The following ADRA1A variants were observed in gnomAD, a reference collection of about 807,000 sequenced individuals.
ADRA1A encodes the protein alpha-1A adrenergic receptor.
Under a neutral mutation model 29.6 loss-of-function variants are expected in ADRA1A, and 31 were observed. The observed-to-expected ratio is 1.05, with a 90% CI of 0.79 to 1.41. ADRA1A has a LOEUF of 1.41. ADRA1A is among the 40% of genes most tolerant of loss of function. ADRA1A has a pLI of 0.00. For missense variants in ADRA1A, 619 were observed against 601.1 expected (o/e 1.03, Z -0.31); for synonymous variants, 311 against 254.3 (o/e 1.22, Z -2.12).
chr8:26,753,165 A>G (rs1160684932), downstream of ADRA1A, among the ~76,000 whole-genome samples: 1 of 152,210 alleles, frequency 6.6e-6, no homozygotes, highest in Non-Finnish European at 1.5e-5. Flanking sequence ...AAGAACCTCC[A>G]TCAAAGAACT....
chr8:26,858,900 G>T, intron 2 of ADRA1A: 1 of 368,838 alleles, frequency 2.7e-6, no homozygotes, highest in Non-Finnish European at 4.2e-6. Flanking sequence ...AGGCAAGTCA[G>T]ATTCCTCCCA....
rs1334093694 is a variant in ADRA1A, at chr8:26,860,911, C to T, written c.883+3176G>A. On this transcript the variant is annotated intron_variant, in intron 2 of 2. Coordinates refer to ENST00000380573, the MANE Select transcript of ADRA1A (RefSeq NM_000680.4). This position sits in a 1 kb window ranked among gnomAD's most constrained non-coding sequence, Gnocchi z 4.7. The stretch of plus-strand genomic sequence containing the variant: ...AGCTCTCTCTATACCCCTCCAGCTA[C>T]ACCGCATCTCCTAGCTCCAGTGTAT... 1.3e-5 allele frequency among the ~76,000 whole-genome samples: 2 copies of T among 152,218 alleles called. No individual in the cohort carries two copies. Among genetic ancestry groups the T allele is most frequent in the Admixed American group, 6.5e-5 (1 of 15,278 alleles).
chr8:26,824,279 AC>A (rs1321715005), intron 2 of ADRA1A, among the ~76,000 whole-genome samples: 4 of 152,070 alleles, frequency 2.6e-5, no homozygotes, highest in African/African-American at 9.7e-5. Context: ...ATCCTGGGTA[AC>A]AGGGGTCTAT....
chr8:26,787,072 G>A lies in ADRA1A; in HGVS notation c.884-16406C>T, dbSNP rs1807447711. Among the ~76,000 whole-genome samples the A allele has an allele frequency of 6.6e-6, 1 of 152,176 alleles. No individual in the cohort carries two copies. Among genetic ancestry groups the A allele is most frequent in the South Asian group, 2.1e-4 (1 of 4,830 alleles). ...AGATGAGGAAACTGAGGCTTAAGGAGTTTAATTTGCAACTAAGGAAAATAG... is the reference window on the plus strand; with the variant it reads ...AGATGAGGAAACTGAGGCTTAAGGAATTTAATTTGCAACTAAGGAAAATAG... On this transcript the variant is annotated intron_variant, in intron 2 of 2. Coordinates refer to ENST00000380573, the MANE Select transcript of ADRA1A (RefSeq NM_000680.4). This position sits in a 1 kb window ranked among gnomAD's most constrained non-coding sequence, Gnocchi z 4.2.
At chr8:26,748,573 TA>T (rs1320270822) in exon 3 of ADRA1A, 2 of 407,700 alleles carry the variant, frequency 4.9e-6, no homozygotes, top group Non-Finnish European at 9.7e-6. Context: ...ACCCCGTCTC[TA>T]CTAAAAATAC....
rs761437609 is a variant in ADRA1A, at chr8:26,864,684, T to G, written c.286A>C (p.Arg96=). 28 of 1,613,974 alleles carry G rather than the reference T, an allele frequency of 1.7e-5. No homozygotes were observed. The highest frequency in any genetic ancestry group is 2.4e-5 in the Non-Finnish European group (28 of 1,180,030). Residue 96 remains arginine, a synonymous_variant, in exon 2 of 3, where the codon AGG becomes CGG. Transcript: ENST00000380573. This position sits in a 1 kb window ranked among gnomAD's most constrained non-coding sequence, Gnocchi z 8.1. The stretch of plus-strand genomic sequence containing the variant: ...GCCGCCCAGATGTTGCAGAAGACCC[T>G]GCCGAAGGCCCAGTAGCCTAGGACC... ...FEVLGYWAFG[R]VFCNIWAAVD... is the part of the protein sequence containing the mutation.
chr8:26,855,217 A>ATGTG lies in ADRA1A; in HGVS notation c.883+8866_883+8869dup, dbSNP rs56268237. Among the ~76,000 whole-genome samples, 102 of 133,288 alleles carry ATGTG rather than the reference A, an allele frequency of 7.7e-4. 2 individuals are homozygous for ATGTG. The highest frequency in any genetic ancestry group is 3.8e-3 in the Middle Eastern group (1 of 266). The allele number at this position is 133,288 out of a possible 152,430, so 87.4% of individuals were successfully genotyped here. A position where few individuals can be genotyped will look rare whatever the true frequency, so the allele number is the denominator to read the frequency against. ...TTTAACTAAAAGTGTGTGTGCATGC[A>ATGTG]TGTGTGTGTGTGTGTGCATGTGAGT... On this transcript the variant is annotated intron_variant, in intron 2 of 2. Coordinates refer to ENST00000380573, the MANE Select transcript of ADRA1A (RefSeq NM_000680.4).
intron 2 of ADRA1A, among the ~76,000 whole-genome samples, chr8:26,829,805 T>A (rs966972391): frequency 6.6e-6 from 1 of 152,098 alleles, no homozygotes; most frequent in Non-Finnish European, 1.5e-5. Flanking sequence ...AGCAATTCCA[T>A]AACACATCAC....
In ADRA1A at chr8:26,806,795, G is replaced by C. The variant is rs1200705262; in HGVS notation, c.884-36129C>G. Reference sequence around the variant, plus strand: ...TGGCTGCTGCTAGAAGTGGCCTCATGGAACATCCTAGAAAAGGAGAACCAG... The same window carrying C: ...TGGCTGCTGCTAGAAGTGGCCTCATCGAACATCCTAGAAAAGGAGAACCAG... On this transcript the variant is annotated intron_variant, in intron 2 of 2. Coordinates refer to ENST00000380573, the MANE Select transcript of ADRA1A (RefSeq NM_000680.4). The surrounding 1 kb of genome is among the most constrained non-coding windows in gnomAD (Gnocchi z 4.6). Among the ~76,000 whole-genome samples, 1 of 152,126 alleles carries C rather than the reference G, an allele frequency of 6.6e-6. No individual in the cohort carries two copies. Among genetic ancestry groups the C allele is most frequent in the Non-Finnish European group, 1.5e-5 (1 of 68,012 alleles).
At chr8:26,801,689 C>G (rs949453624) in intron 2 of ADRA1A, among the ~76,000 whole-genome samples, 1 of 151,806 alleles carries the variant, frequency 6.6e-6, no homozygotes, top group African/African-American at 2.4e-5. Context: ...TTCATAAACA[C>G]AAAGCAATCT....
chr8:26,785,406 T>C (rs1423984851), intron 2 of ADRA1A, among the ~76,000 whole-genome samples: 4 of 152,212 alleles, frequency 2.6e-5, no homozygotes, highest in Non-Finnish European at 4.4e-5. Context: ...ACGTCTGGAC[T>C]ACAAATACGC....
intron 2 of ADRA1A, among the ~76,000 whole-genome samples, chr8:26,829,962 G>A (rs943555597): frequency 4.0e-5 from 6 of 151,808 alleles, no homozygotes; most frequent in African/African-American, 1.5e-4. Flanking sequence ...TGTGTCTGGG[G>A]GGTGGGGGTG....
chr8:26,836,543 C>T (rs540151765), intron 2 of ADRA1A, among the ~76,000 whole-genome samples: 16 of 152,284 alleles, frequency 1.1e-4, no homozygotes, highest in African/African-American at 3.4e-4. Context: ...TAATCCATCA[C>T]CTAGTGTGAA....
intron 2 of ADRA1A, among the ~76,000 whole-genome samples, chr8:26,814,841 A>G (rs902142221): frequency 4.6e-5 from 7 of 152,174 alleles, no homozygotes; most frequent in Non-Finnish European, 8.8e-5. Flanking sequence ...TTTCATTTTT[A>G]TATAACATTA....
At chr8:26,766,515 G>A (rs1310049970), downstream of ADRA1A, among the ~76,000 whole-genome samples, 2 of 152,156 alleles carry the variant, frequency 1.3e-5, no homozygotes, top group Non-Finnish European at 2.9e-5. Flanking sequence ...GGTTTGACTG[G>A]GCTGGAGATT....
In ADRA1A at chr8:26,865,669, A is replaced by G; in HGVS notation, c.-686-14T>C. On this transcript the variant is annotated splice_polypyrimidine_tract_variant and intron_variant, in intron 1 of 2. Coordinates refer to ENST00000380573, the MANE Select transcript of ADRA1A (RefSeq NM_000680.4). This position sits in a 1 kb window ranked among gnomAD's most constrained non-coding sequence, Gnocchi z 7.6. ...GACCGCGTCCACCTGAAAGAGCGCA[A>G]AGAGAAAGGCGGCTTTGAGCTAGGC... The G allele has an allele frequency of 1.0e-6, 1 of 986,074 alleles. No homozygotes were observed. The highest frequency in any genetic ancestry group is 1.2e-6 in the Non-Finnish European group (1 of 830,538). The allele number at this position is 986,074 out of a possible 1,614,324, so 61.1% of individuals were successfully genotyped here.
chr8:26,794,188 A>G (rs145219081), intron 2 of ADRA1A, among the ~76,000 whole-genome samples: 1 of 152,224 alleles, frequency 6.6e-6, no homozygotes, highest in African/African-American at 2.4e-5. Flanking sequence ...GGAAGGGAAC[A>G]CTTTCATTTC....
At chr8:26,784,321 G>A (rs905100753) in intron 2 of ADRA1A, among the ~76,000 whole-genome samples, 4 of 152,256 alleles carry the variant, frequency 2.6e-5, no homozygotes, top group Non-Finnish European at 4.4e-5. Context: ...TCCCGCTGTC[G>A]GGATTCCCCT....
At chr8:26,807,979 T>C (rs903346177) in intron 2 of ADRA1A, among the ~76,000 whole-genome samples, 1 of 152,214 alleles carries the variant, frequency 6.6e-6, no homozygotes, top group Non-Finnish European at 1.5e-5. Context: ...CACAGGGCAA[T>C]GCATTCTGCA....
Sources: gnomAD v4.1 joint callset for allele counts (sites outside exome capture counted in the v4.1 genomes callset) on GRCh38, gnomAD v4.1.1 for gene constraint, Gnocchi (gnomAD v3.1) non-coding constraint, MANE v1.5 for transcripts, NCBI Gene and HGNC (gene_info 2026-07-23, HGNC 2026-07-21) for gene names.